Variants in GRK7 observed in about 807,000 individuals in gnomAD.
The protein encoded by GRK7 is G protein-coupled receptor kinase 7.
In GRK7, 24 loss-of-function variants were observed where a neutral mutation model predicts 34.1. The observed-to-expected ratio is 0.70, with a 90% confidence interval of 0.51 to 0.99. GRK7 has a LOEUF of 0.99. Ranked by LOEUF, GRK7 falls within the 50% of genes least tolerant of loss-of-function variation. GRK7 has a pLI of 0.00. For synonymous variants in GRK7, 256 were observed against 279.4 expected (o/e 0.92, Z 0.84); for missense variants, 644 against 707.3 (o/e 0.91, Z 1.02).
intron 4 of GRK7, among the ~76,000 whole-genome samples, chr3:141,798,869 C>T (rs1047797028): frequency 2.6e-5 from 4 of 152,234 alleles, no homozygotes; most frequent in Non-Finnish European, 4.4e-5. Flanking sequence ...CCATGGCTGA[C>T]ATTTTCTGTC....
chr3:141,801,349 A>G (rs1278953331), intron 4 of GRK7, among the ~76,000 whole-genome samples: 1 of 151,054 alleles, frequency 6.6e-6, no homozygotes, highest in African/African-American at 2.4e-5. Context: ...TGCAAAGAAC[A>G]GAAGAACATG....
chr3:141,808,948 C>T (rs1337982868), intron 5 of GRK7, among the ~76,000 whole-genome samples: 1 of 151,836 alleles, frequency 6.6e-6, no homozygotes, highest in Non-Finnish European at 1.5e-5. Context: ...GTGGTTCACG[C>T]CAGCACTTTG....
At chr3:141,803,404 C>T (rs1001060817) in intron 4 of GRK7, among the ~76,000 whole-genome samples, 22 of 150,058 alleles carry the variant, frequency 1.5e-4, no homozygotes, top group Non-Finnish European at 2.9e-4. Context: ...GCACTCCAGA[C>T]GGCGACAGAT....
chr3:141,780,377 T>A lies in GRK7; in HGVS notation c.616T>A (p.Cys206Ser). The A allele has an allele frequency of 6.2e-7, 1 of 1,613,598 alleles. No homozygotes were observed. Among genetic ancestry groups the A allele is most frequent in the South Asian group, 1.1e-5 (1 of 91,052 alleles). ...CTTCTTTTCTTTCTCCTTTAAGGTA[T>A]GTGCCGTCCAGGTGAAAAACACTGG... is the stretch of plus-strand genomic sequence containing the variant. ...VLGKGGFGEVCAVQVKNTGKM... is the reference protein window; with the variant it reads ...VLGKGGFGEVSAVQVKNTGKM... The change falls in exon 4 of 6, where the codon TGT (cysteine) becomes AGT (serine). Residue 206 changes from cysteine (C) to serine (S), a missense_variant. Transcript: ENST00000682958.
At chr3:141,766,770 T>G (rs1332912798) in intron 1 of GRK7, among the ~76,000 whole-genome samples, 1 of 152,254 alleles carries the variant, frequency 6.6e-6, no homozygotes, top group Non-Finnish European at 1.5e-5. Flanking sequence ...TATTGTTTGG[T>G]CTTCTCTAAT....
At chr3:141,807,399 T>G (rs1711046554) in intron 4 of GRK7, among the ~76,000 whole-genome samples, 1 of 152,194 alleles carries the variant, frequency 6.6e-6, no homozygotes, top group Admixed American at 6.5e-5. Flanking sequence ...TCATGTGACC[T>G]TAGCCACCAA....
intron 4 of GRK7, among the ~76,000 whole-genome samples, chr3:141,805,151 G>A (rs768268912): frequency 7.2e-5 from 11 of 151,730 alleles, no homozygotes; most frequent in African/African-American, 2.7e-4. Context: ...CACTGACCCC[G>A]TGGGCCCCCC....
At chr3:141,790,306 G>A (rs1024655461) in intron 4 of GRK7, among the ~76,000 whole-genome samples, 1 of 151,842 alleles carries the variant, frequency 6.6e-6, no homozygotes, top group African/African-American at 2.4e-5. Flanking sequence ...CCAGCATTAT[G>A]GTTTTTAATG....
At chr3:141,751,342 A>G in the GRK7 span, among the ~76,000 whole-genome samples, 1 of 152,282 alleles carries the variant, frequency 6.6e-6, no homozygotes, top group South Asian at 2.1e-4. Flanking sequence ...CATGCCTGCT[A>G]TATATGGGGC....
At position 141,774,847 on chromosome 3, in the gene GRK7, C is replaced by T. The variant is rs2084632097; in HGVS notation, c.-114+167C>T. Among the ~76,000 whole-genome samples, 3 of 151,520 alleles carry T rather than the reference C, an allele frequency of 2.0e-5. No homozygotes were observed. The South Asian group carries it at 6.2e-4, about 31-fold the overall frequency. On this transcript the variant is annotated intron_variant, in intron 2 of 5. Transcript: ENST00000682958. ...TATTATATGTTTTGAGACAGAGTCT[C>T]ACTCTGTCGATCTCGGTTCACTGCA...
chr3:141,767,391 GTTTTGTT>G (rs2084594107), intron 1 of GRK7, among the ~76,000 whole-genome samples: 1 of 149,766 alleles, frequency 6.7e-6, no homozygotes, highest in South Asian at 2.1e-4. Flanking sequence ...TTGGTTTTGT[GTTTTGTT>G]TTTTGTTTTT....
At chr3:141,784,084 C>A (rs1432851358) in intron 4 of GRK7, among the ~76,000 whole-genome samples, 1 of 152,148 alleles carries the variant, frequency 6.6e-6, no homozygotes, top group Non-Finnish European at 1.5e-5. Flanking sequence ...TTGCTGGAGG[C>A]TTAGGGGACA....
intron 4 of GRK7, among the ~76,000 whole-genome samples, chr3:141,781,682 T>C (rs2084673149): frequency 6.6e-6 from 1 of 152,170 alleles, no homozygotes; most frequent in South Asian, 2.1e-4. Flanking sequence ...TTGCATTGGA[T>C]GAAGATGATA....
intron 4 of GRK7, among the ~76,000 whole-genome samples, chr3:141,785,007 T>C (rs533130743): frequency 6.6e-6 from 1 of 152,208 alleles, no homozygotes; most frequent in Non-Finnish European, 1.5e-5. Context: ...AATAAGACTC[T>C]CATCCTCTCA....
chr3:141,797,361 T>C (rs1361964702), intron 4 of GRK7, among the ~76,000 whole-genome samples: 1 of 152,126 alleles, frequency 6.6e-6, no homozygotes, highest in African/African-American at 2.4e-5. Flanking sequence ...GGGCGGAGCC[T>C]CGAGCTAAGT....
intron 5 of GRK7, 29 bp from the exon 6 acceptor site, chr3:141,816,685 C>A: frequency 7.1e-7 from 1 of 1,408,756 alleles, no homozygotes; most frequent in South Asian, 1.4e-5. Flanking sequence ...TTAACTCTGT[C>A]TCAGGCTGAT....
chr3:141,776,514 G>T (rs747655137), intron 2 of GRK7, among the ~76,000 whole-genome samples: 1 of 152,120 alleles, frequency 6.6e-6, no homozygotes, highest in Non-Finnish European at 1.5e-5. Context: ...AACATTTCCC[G>T]TGTTGGTTTC....
chr3:141,795,437 A>G lies in GRK7; in HGVS notation c.1051-12208A>G, dbSNP rs867765220. ...AACCCTGGCATAAAGGCCTCGCAGCACAAGGCCTGAGGCTCAGTCGCAGAA... is the reference window on the plus strand; with the variant it reads ...AACCCTGGCATAAAGGCCTCGCAGCGCAAGGCCTGAGGCTCAGTCGCAGAA... On this transcript the variant is annotated intron_variant, in intron 4 of 5. Transcript: ENST00000682958. Among the ~76,000 whole-genome samples the G allele has an allele frequency of 4.6e-5, 7 of 152,358 alleles. No homozygotes were observed. In the South Asian group the frequency reaches 1.2e-3, roughly 27 times the overall value.
intron 5 of GRK7, among the ~76,000 whole-genome samples, chr3:141,810,481 C>G (rs1711082998): frequency 1.3e-5 from 2 of 152,016 alleles, no homozygotes; most frequent in African/African-American, 4.8e-5. Flanking sequence ...CTTACCCTCT[C>G]ACATTCAGTT....
Sources: gnomAD v4.1 joint callset for allele counts (sites outside exome capture counted in the v4.1 genomes callset) on GRCh38, gnomAD v4.1.1 for gene constraint, MANE v1.5 for transcripts, NCBI Gene and HGNC (gene_info 2026-07-23, HGNC 2026-07-21) for gene names.